Variants in SPOCK2 observed in about 807,000 individuals in gnomAD.
The protein encoded by SPOCK2 is SPARC (osteonectin), cwcv and kazal like domains proteoglycan 2.
A neutral mutation model predicts 60.1 loss-of-function variants in SPOCK2; 39 were observed. The ratio of observed to expected loss-of-function variants is 0.65; its 90% confidence interval spans 0.50 to 0.85. SPOCK2 has a LOEUF of 0.85. Among genes scored for constraint, SPOCK2 ranks in the 40% least tolerant of loss-of-function variants. The probability of loss-of-function intolerance (pLI) is 0.00; values close to 1 mark genes in which losing one functional copy is unlikely to be tolerated. For missense variants in SPOCK2, 523 were observed against 567.4 expected (o/e 0.92, Z 0.80); for synonymous variants, 217 against 231.5 (o/e 0.94, Z 0.57).
chr10:72,082,722 T>C (rs1056900512), intron 1 of SPOCK2, among the ~76,000 whole-genome samples: 1 of 151,306 alleles, frequency 6.6e-6, no homozygotes, highest in African/African-American at 2.4e-5. Flanking sequence ...GGCATGGTGG[T>C]GTGTGCCTGT....
chr10:72,064,206 C>G lies in SPOCK2; in HGVS notation c.963G>C (p.Gln321His), dbSNP rs777019189. The G allele has an allele frequency of 6.2e-7, 1 of 1,610,988 alleles. No individual in the cohort carries two copies. Among genetic ancestry groups the G allele is most frequent in the Non-Finnish European group, 8.5e-7 (1 of 1,179,042 alleles). ...GCTTCTTCTTGGCGGCCTCCTGGATCTGGATGCGCTCCAGCTCTGCCAGGC... is the reference window on the plus strand; with the variant it reads ...GCTTCTTCTTGGCGGCCTCCTGGATGTGGATGCGCTCCAGCTCTGCCAGGC... Reference protein sequence around the residue: ...PPCLAELERIQIQEAAKKKPG... With the variant: ...PPCLAELERIHIQEAAKKKPG... Residue 321 changes from glutamine (Q) to histidine (H), a missense_variant, in exon 9 of 11, where the codon CAG (glutamine) becomes CAC (histidine). Transcript: ENST00000373109.
rs1455254879 is a variant in SPOCK2 at position 72,066,987 on chromosome 10, G to A, written c.843C>T (p.Cys281=). ...AAINLDKYEV[C]IRPFFNSCDT... is the part of the protein sequence containing the mutation. ...CACAGGAGTTGAAGAAGGGACGGATGCAGACCTCGTACTTGTCCAGGTTGA... is the reference window on the plus strand; with the variant it reads ...CACAGGAGTTGAAGAAGGGACGGATACAGACCTCGTACTTGTCCAGGTTGA... The change falls in exon 8 of 11, where the codon TGC becomes TGT. Residue 281 remains cysteine (C), a synonymous_variant. Transcript: ENST00000373109. The A allele has an allele frequency of 1.9e-6, 3 of 1,614,222 alleles. No individual in the cohort carries two copies. In the Admixed American group the frequency reaches 5.0e-5, roughly 27 times the overall value.
chr10:72,081,244 G>A (rs1840779646), intron 1 of SPOCK2, among the ~76,000 whole-genome samples: 2 of 152,236 alleles, frequency 1.3e-5, no homozygotes, highest in Non-Finnish European at 2.9e-5. Context: ...TGCTCCCCCA[G>A]TTCTTCCAAA....
In SPOCK2 at chr10:72,065,193, G is replaced by A. The variant is rs12263462; in HGVS notation, c.929-953C>T. On this transcript the variant is annotated intron_variant, in intron 8 of 10. Coordinates refer to ENST00000373109, the MANE Select transcript of SPOCK2 (RefSeq NM_001244950.2). Reference sequence around the variant, plus strand: ...TGAGATTACAGGCACCTGCCACCATGCCTGGCTAATTTTTGTATTTTTAGT... The same window carrying A: ...TGAGATTACAGGCACCTGCCACCATACCTGGCTAATTTTTGTATTTTTAGT... Among the ~76,000 whole-genome samples, 1,207 of 129,594 alleles carry A rather than the reference G, an allele frequency of 9.3e-3. 149 individuals are homozygous for A. The highest frequency in any genetic ancestry group is 0.029 in the African/African-American group (1,143 of 39,780). 85.0% of individuals were successfully genotyped at this position (129,594 alleles called of 152,430 possible).
intron 5 of SPOCK2, chr10:72,069,214 T>C: frequency 1.3e-5 from 2 of 156,662 alleles, no homozygotes; most frequent in Non-Finnish European, 1.4e-5. Flanking sequence ...TCTCACCTCC[T>C]AAATGCAGCC....
intron 1 of SPOCK2, among the ~76,000 whole-genome samples, chr10:72,080,306 C>G (rs779959310): frequency 7.9e-5 from 12 of 152,236 alleles, no homozygotes; most frequent in Non-Finnish European, 1.2e-4. Flanking sequence ...TGGAAGTGGG[C>G]CAGGCCTGGC....
chr10:72,072,953 G>C, intron 1 of SPOCK2, 43 bp from the exon 2 acceptor site: 1 of 1,552,576 alleles, frequency 6.4e-7, no homozygotes, highest in South Asian at 1.2e-5. Context: ...AAACGGAGCA[G>C]GAAGAGAAAG....
intron 1 of SPOCK2, among the ~76,000 whole-genome samples, chr10:72,081,459 G>A (rs1410871223): frequency 6.6e-6 from 1 of 152,206 alleles, no homozygotes; most frequent in Non-Finnish European, 1.5e-5. Flanking sequence ...CAGCAGGAGG[G>A]GGCTGGACGC....
rs1430526683 is a variant in SPOCK2, at chr10:72,064,232, AG to A, written c.936del (p.Cys313AlafsTer53). 3 of 1,601,684 alleles carry A rather than the reference AG, an allele frequency of 1.9e-6. No individual in the cohort carries two copies. The highest frequency in any genetic ancestry group is 2.6e-6 in the Non-Finnish European group (3 of 1,175,638). On this transcript the variant is annotated frameshift_variant, in exon 9 of 11. Transcript: ENST00000373109. LOFTEE classifies it high-confidence loss of function. ...WCFCFWREKP[P>X]CLAELERIQI... The stretch of plus-strand genomic sequence containing the variant: ...TGGATGCGCTCCAGCTCTGCCAGGC[AG>A]GGGGGCTCTGTGGGGAGAGAAGCAG...
At chr10:72,088,063 C>A in intron 1 of SPOCK2, 77 bp downstream of exon 1, 2 of 1,547,034 alleles carry the variant, frequency 1.3e-6, no homozygotes, top group South Asian at 1.2e-5. Context: ...CGTGCGGCGG[C>A]CGCTCCCGCA....
intron 1 of SPOCK2, among the ~76,000 whole-genome samples, chr10:72,077,169 G>C (rs1840724950): frequency 6.6e-6 from 1 of 152,126 alleles, no homozygotes; most frequent in Admixed American, 6.5e-5. Flanking sequence ...CACCCAGGCA[G>C]GAGTGCAGTG....
At position 72,072,827 on chromosome 10, in the gene SPOCK2, G is replaced by T; in HGVS notation, c.198+75C>A. The T allele has an allele frequency of 1.9e-6, 3 of 1,547,384 alleles. No individual in the cohort carries two copies. The Admixed American group carries it at 5.9e-5, about 30-fold the overall frequency. On this transcript the variant is annotated intron_variant, in intron 2 of 10. Coordinates refer to ENST00000373109, the MANE Select transcript of SPOCK2 (RefSeq NM_001244950.2). ...GCAGGGAAGGCAAGTCAGAATGAGG[G>T]TGTGGAGGGACACAGGAGGGGAGGG...
In SPOCK2 at chr10:72,059,920, G is replaced by A. The variant is rs1192437703; in HGVS notation, c.*2840C>T. 6.5e-6 allele frequency: 1 copy of A among 152,740 alleles called. No homozygotes were observed. The highest frequency in any genetic ancestry group is 1.5e-5 in the Non-Finnish European group (1 of 68,110). The allele number at this position is 152,740 out of a possible 1,614,324, so 9.5% of individuals were successfully genotyped here. A position where few individuals can be genotyped will look rare whatever the true frequency, so the allele number is the denominator to read the frequency against. ...GCCAAGGAGGCCTGGGGCAGCCAAG[G>A]GGAGTTCCAGGACCAAGCAAGCAAG... On this transcript the variant is annotated 3_prime_UTR_variant, in exon 11 of 11. Coordinates refer to ENST00000373109, the MANE Select transcript of SPOCK2 (RefSeq NM_001244950.2).
intron 8 of SPOCK2, among the ~76,000 whole-genome samples, chr10:72,066,001 C>A (rs1428883786): frequency 6.6e-6 from 1 of 152,160 alleles, no homozygotes; most frequent in Admixed American, 6.5e-5. Flanking sequence ...CGATCCCCCA[C>A]CAAGATGGGG....
At chr10:72,070,668 G>T (rs918672225) in intron 4 of SPOCK2, among the ~76,000 whole-genome samples, 1 of 151,876 alleles carries the variant, frequency 6.6e-6, no homozygotes, top group African/African-American at 2.4e-5. Flanking sequence ...GAGTCACTGA[G>T]TCCCATGGGG....
rs1324271108 is a variant in SPOCK2, at chr10:72,060,501, C to T, written c.*2259G>A. 2 of 152,386 alleles carry T rather than the reference C, an allele frequency of 1.3e-5. No individual in the cohort carries two copies. Among genetic ancestry groups the T allele is most frequent in the African/African-American group, 2.4e-5 (1 of 41,274 alleles). 9.4% of individuals were successfully genotyped at this position (152,386 alleles called of 1,614,324 possible). ...CCAGCATCCTTAACAACCCCCACCC[C>T]CACCCCGAGGAGGAAAGTTCCAGAA... On this transcript the variant is annotated 3_prime_UTR_variant, in exon 11 of 11. Transcript: ENST00000373109.
chr10:72,079,592 G>A (rs913587504), intron 1 of SPOCK2, among the ~76,000 whole-genome samples: 2 of 152,138 alleles, frequency 1.3e-5, no homozygotes, highest in Non-Finnish European at 2.9e-5. Context: ...GCACATGCTG[G>A]GTGTTTCCAA....
chr10:72,076,150 G>C (rs567417016), intron 1 of SPOCK2, among the ~76,000 whole-genome samples: 1 of 152,288 alleles, frequency 6.6e-6, no homozygotes, highest in East Asian at 1.9e-4. Flanking sequence ...GAAGGGATAC[G>C]AGGAGAGTCC....
At chr10:72,070,204 A>C (rs913697090) in intron 5 of SPOCK2, 108 bp downstream of exon 5, 1 of 1,038,384 alleles carries the variant, frequency 9.6e-7, no homozygotes, top group African/African-American at 1.6e-5. Context: ...ATCTGGCCCC[A>C]CCTCAGTCCT....
Sources: gnomAD v4.1 joint callset for allele counts (sites outside exome capture counted in the v4.1 genomes callset) on GRCh38, gnomAD v4.1.1 for gene constraint, MANE v1.5 for transcripts, NCBI Gene and HGNC (gene_info 2026-07-23, HGNC 2026-07-21) for gene names.